The following FTO variants were observed in gnomAD, a reference collection of about 807,000 sequenced individuals.
FTO encodes the protein alpha-ketoglutarate-dependent dioxygenase FTO.
In FTO, 47 loss-of-function variants were observed where a neutral mutation model predicts 63.9. The observed-to-expected ratio is 0.74, with a 90% CI of 0.58 to 0.94. The LOEUF (loss-of-function observed/expected upper bound fraction) is 0.94, where lower values mean the gene tolerates loss of function less well. Among genes scored for constraint, FTO ranks in the 40% least tolerant of loss-of-function variants. The probability of loss-of-function intolerance (pLI) is 0.00; values close to 1 mark genes in which losing one functional copy is unlikely to be tolerated. For missense variants in FTO, 562 were observed against 618.1 expected, an observed-to-expected ratio of 0.91 and a Z score of 0.96; for synonymous variants, 207 against 224.4, an observed-to-expected ratio of 0.92 and a Z score of 0.69.
At chr16:53,810,073 A>AC in intron 1 of FTO, 67 bp from the exon 2 acceptor site, 2 of 1,069,004 alleles carry the variant, frequency 1.9e-6, no homozygotes, top group Non-Finnish European at 2.9e-6. Context: ...CTTATTGGAA[A>AC]AATAAGAGAG....
chr16:53,890,990 T>C (rs1306974259), intron 7 of FTO, among the ~76,000 whole-genome samples: 3 of 151,282 alleles, frequency 2.0e-5, no homozygotes, highest in Non-Finnish European at 4.4e-5. Flanking sequence ...GGAGCTCTTA[T>C]TGATTTTTTT....
chr16:54,018,302 A>G (rs751763532), intron 8 of FTO, among the ~76,000 whole-genome samples: 3 of 152,146 alleles, frequency 2.0e-5, no homozygotes, highest in Non-Finnish European at 4.4e-5. Context: ...AAATCTCACC[A>G]GTAATATATG....
intron 1 of FTO, among the ~76,000 whole-genome samples, chr16:53,730,171 C>T (rs2076240424): frequency 6.6e-6 from 1 of 152,000 alleles, no homozygotes; most frequent in African/African-American, 2.4e-5. Flanking sequence ...TTTCCTTAGG[C>T]CTAATTTAAA....
intron 7 of FTO, among the ~76,000 whole-genome samples, chr16:53,933,591 G>A (rs763533470): frequency 1.4e-4 from 22 of 152,146 alleles, no homozygotes; most frequent in Admixed American, 5.2e-4. Flanking sequence ...GGAAACAAGA[G>A]AGTGAAAGTC....
At chr16:54,048,974 T>G (rs2085250910) in intron 8 of FTO, among the ~76,000 whole-genome samples, 1 of 152,208 alleles carries the variant, frequency 6.6e-6, no homozygotes, top group African/African-American at 2.4e-5. Flanking sequence ...TTCTCCACAA[T>G]TAATTAAAGT....
At chr16:54,013,400 T>C (rs1386725313) in intron 8 of FTO, 1 of 151,754 alleles carries the variant, frequency 6.6e-6, no homozygotes, top group Non-Finnish European at 1.5e-5. Flanking sequence ...GTGAAGATAC[T>C]GTGAACAATG....
At chr16:53,706,476 T>C (rs187409646) in intron 1 of FTO, among the ~76,000 whole-genome samples, 7 of 152,318 alleles carry the variant, frequency 4.6e-5, no homozygotes, top group Admixed American at 1.3e-4. Flanking sequence ...ATGTTTTTTG[T>C]CTCTGTAGAT....
intron 4 of FTO, among the ~76,000 whole-genome samples, chr16:53,860,877 T>G (rs116787275): frequency 0.013 from 1,665 of 128,772 alleles, 26 homozygotes; most frequent in South Asian, 0.075. Context: ...TCTTAAATGT[T>G]TTTAACACAC....
chr16:53,916,703 G>T (rs2081876372), intron 7 of FTO, among the ~76,000 whole-genome samples: 1 of 152,228 alleles, frequency 6.6e-6, no homozygotes, highest in African/African-American at 2.4e-5. Context: ...TTAAGGACTT[G>T]TGTGATCTTC....
chr16:53,772,961 G>C (rs892454296), intron 1 of FTO, among the ~76,000 whole-genome samples: 1 of 151,982 alleles, frequency 6.6e-6, no homozygotes, highest in African/African-American at 2.4e-5. Context: ...CCACCTGTCT[G>C]CTCTCTCCTT....
intron 4 of FTO, among the ~76,000 whole-genome samples, chr16:53,847,285 C>T (rs150217926): frequency 4.0e-4 from 61 of 152,308 alleles, no homozygotes; most frequent in Admixed American, 7.2e-4. Flanking sequence ...GGGATGCCCT[C>T]CTCACCCTAC....
At chr16:53,704,095 CA>C, upstream of FTO, 1 of 1,288,682 alleles carries the variant, frequency 7.8e-7, no homozygotes, top group Non-Finnish European at 1.1e-6. Flanking sequence ...CAGACGGGAG[CA>C]GGACGCTGAG....
intron 7 of FTO, among the ~76,000 whole-genome samples, chr16:53,909,077 G>A (rs914841877): frequency 6.6e-6 from 1 of 152,124 alleles, no homozygotes; most frequent in Non-Finnish European, 1.5e-5. Flanking sequence ...TAGCAGGCCT[G>A]GGATGATGCC....
chr16:53,707,276 C>G (rs1023387166), intron 1 of FTO, among the ~76,000 whole-genome samples: 4 of 152,154 alleles, frequency 2.6e-5, no homozygotes, highest in Admixed American at 2.6e-4. Context: ...AGCATCACTT[C>G]ATAACTTCTC....
intron 8 of FTO, among the ~76,000 whole-genome samples, chr16:53,980,759 C>G (rs1255584202): frequency 2.0e-5 from 3 of 152,174 alleles, no homozygotes; most frequent in Non-Finnish European, 2.9e-5. Context: ...TAGAAAGTTC[C>G]TAAGTAAAGA....
At chr16:54,005,583 G>A (rs904709450) in intron 8 of FTO, among the ~76,000 whole-genome samples, 1 of 152,006 alleles carries the variant, frequency 6.6e-6, no homozygotes, top group African/African-American at 2.4e-5. Context: ...CCATTTTACA[G>A]ATGAGAAAAC....
rs542365655 is a variant in FTO at position 53,873,812 on chromosome 16, T to C, written c.922T>C (p.Cys308Arg). ...TGATCTCAATGCCACCCACCAACAC[T>C]GTGTTTTGGCCGGTTCACAACCTCG... Reference protein sequence around the residue: ...LDDLNATHQHCVLAGSQPRFS... With the variant: ...LDDLNATHQHRVLAGSQPRFS... Residue 308 changes from cysteine to arginine, a missense_variant, in exon 5 of 9, where the codon TGT becomes CGT. Coordinates refer to ENST00000471389, the MANE Select transcript of FTO (RefSeq NM_001080432.3). The C allele has an allele frequency of 6.2e-7, 1 of 1,613,108 alleles. No individual in the cohort carries two copies. The highest frequency in any genetic ancestry group is 1.3e-5 in the African/African-American group (1 of 75,000).
intron 5 of FTO, 145 bp downstream of exon 5, chr16:53,874,010 T>G: frequency 3.0e-6 from 2 of 675,438 alleles, no homozygotes; most frequent in Non-Finnish European, 5.4e-6. Flanking sequence ...TTACTTGCTT[T>G]TTGAGCTTTG....
At chr16:53,800,376 C>A (rs1351197436) in intron 1 of FTO, among the ~76,000 whole-genome samples, 1 of 152,064 alleles carries the variant, frequency 6.6e-6, no homozygotes, top group Non-Finnish European at 1.5e-5. Flanking sequence ...TTTATGATTT[C>A]AATCCTTATA....
Sources: gnomAD v4.1 joint callset for allele counts (sites outside exome capture counted in the v4.1 genomes callset) on GRCh38, gnomAD v4.1.1 for gene constraint, MANE v1.5 for transcripts, NCBI Gene and HGNC (gene_info 2026-07-23, HGNC 2026-07-21) for gene names.